The following ZDHHC20 variants were observed in gnomAD, a reference collection of about 807,000 sequenced individuals.
The protein encoded by ZDHHC20 is zDHHC palmitoyltransferase 20.
Under a neutral mutation model 57.8 loss-of-function variants are expected in ZDHHC20, and 43 were observed. That is an observed-to-expected ratio of 0.74 (90% CI 0.58 to 0.96). The LOEUF (loss-of-function observed/expected upper bound fraction) is 0.96, where lower values mean the gene tolerates loss of function less well. ZDHHC20 is among the 40% of genes least tolerant of loss of function. The pLI, the probability that ZDHHC20 is intolerant of heterozygous loss-of-function variation, is 0.00. For synonymous variants in ZDHHC20, 157 were observed against 153.0 expected (o/e 1.03, Z -0.19); for missense variants, 391 against 441.1 (o/e 0.89, Z 1.02).
intron 8 of ZDHHC20, among the ~76,000 whole-genome samples, chr13:21,387,985 T>C (rs1874881658): frequency 1.3e-5 from 2 of 152,186 alleles, no homozygotes; most frequent in African/African-American, 2.4e-5. Context: ...ATGTTCCTGA[T>C]AGCACTGTAC....
At chr13:21,383,869 T>G (rs1873941297) in intron 9 of ZDHHC20, among the ~76,000 whole-genome samples, 1 of 152,142 alleles carries the variant, frequency 6.6e-6, no homozygotes, top group South Asian at 2.1e-4. Flanking sequence ...ACTTATGCCT[T>G]ATTTTCATAT....
chr13:21,386,581 C>T (rs1008622328), intron 9 of ZDHHC20, among the ~76,000 whole-genome samples: 1 of 152,162 alleles, frequency 6.6e-6, no homozygotes, highest in Non-Finnish European at 1.5e-5. Context: ...GACAGTCTTG[C>T]TCTGTTGCCC....
chr13:21,400,654 G>A lies in ZDHHC20; in HGVS notation c.474-161C>T, dbSNP rs76159589. Among the ~76,000 whole-genome samples, 685 of 152,282 alleles carry A rather than the reference G, an allele frequency of 4.5e-3. 16 individuals are homozygous for A. Among genetic ancestry groups the A allele is most frequent in the Admixed American group, 0.038 (584 of 15,300 alleles). On this transcript the variant is annotated intron_variant, in intron 6 of 12. Transcript: ENST00000400590. ...TTTTGCAGGATGAAAAAGTTCTGGAGATTAATTGCACAACAATTTGAACAT... is the reference window on the plus strand; with the variant it reads ...TTTTGCAGGATGAAAAAGTTCTGGAAATTAATTGCACAACAATTTGAACAT...
In ZDHHC20 at chr13:21,375,220, C is replaced by T. The variant is rs776644634; in HGVS notation, c.*1476G>A. 4.8e-5 allele frequency: 22 copies of T among 455,558 alleles called. No individual in the cohort carries two copies. The highest frequency in any genetic ancestry group is 3.6e-4 in the African/African-American group (18 of 50,152). 28.2% of individuals were successfully genotyped at this position (455,558 alleles called of 1,614,324 possible). A position where few individuals can be genotyped will look rare whatever the true frequency, so the allele number is the denominator to read the frequency against. ...GAATGTTAGAAGTCATCCAGTCCAA[C>T]TTATTCACAACACCCCCTCCCCTGC... On this transcript the variant is annotated 3_prime_UTR_variant, in exon 13 of 13. Transcript: ENST00000400590.
chr13:21,391,309 A>G (rs1305448785), intron 8 of ZDHHC20, among the ~76,000 whole-genome samples: 1 of 152,206 alleles, frequency 6.6e-6, no homozygotes, highest in Non-Finnish European at 1.5e-5. Flanking sequence ...TGAATGCAGG[A>G]AAGTTTTCAT....
intron 1 of ZDHHC20, among the ~76,000 whole-genome samples, chr13:21,455,768 G>A (rs1162573824): frequency 6.6e-6 from 1 of 152,024 alleles, no homozygotes; most frequent in East Asian, 1.9e-4. Flanking sequence ...CTGTGGGCCA[G>A]GTATTTTTAT....
At chr13:21,379,578 G>A (rs1348522475) in intron 11 of ZDHHC20, among the ~76,000 whole-genome samples, 1 of 151,770 alleles carries the variant, frequency 6.6e-6, no homozygotes, top group Non-Finnish European at 1.5e-5. Flanking sequence ...CACTGTGCCT[G>A]ACCCAAAACC....
chr13:21,440,327 A>C (rs28521196), intron 1 of ZDHHC20, among the ~76,000 whole-genome samples: 26,359 of 152,046 alleles, frequency 0.17, 2,746 homozygotes, highest in Non-Finnish European at 0.25. Context: ...AATTTAAGAT[A>C]CGGCAGGTGC....
chr13:21,395,907 C>A (rs1876711204), intron 7 of ZDHHC20, among the ~76,000 whole-genome samples: 1 of 152,128 alleles, frequency 6.6e-6, no homozygotes, highest in Non-Finnish European at 1.5e-5. Flanking sequence ...GACAGCAAAC[C>A]ACTCACCCAG....
At chr13:21,398,463 CAA>C (rs533339364) in intron 7 of ZDHHC20, among the ~76,000 whole-genome samples, 12 of 98,180 alleles carry the variant, frequency 1.2e-4, no homozygotes, top group Admixed American at 3.4e-4. Context: ...GACTCCGTCT[CAA>C]AAAAAAAAAA....
chr13:21,390,739 GAAAT>G (rs1320762496), intron 8 of ZDHHC20, among the ~76,000 whole-genome samples: 6 of 151,994 alleles, frequency 3.9e-5, no homozygotes, highest in East Asian at 1.9e-4. Context: ...ATCTCCATAA[GAAAT>G]AAATAAATTA....
intron 7 of ZDHHC20, among the ~76,000 whole-genome samples, chr13:21,394,094 A>G (rs116653009): frequency 0.03 from 4,576 of 152,222 alleles, 219 homozygotes; most frequent in African/African-American, 0.1. Context: ...TGCACAAATC[A>G]GATCATGTCC....
At chr13:21,404,200 T>C (rs1878118550) in intron 4 of ZDHHC20, 2 of 435,424 alleles carry the variant, frequency 4.6e-6, no homozygotes, top group Admixed American at 2.6e-5. Context: ...ACAGAATACA[T>C]TTATGACTGG....
intron 3 of ZDHHC20, among the ~76,000 whole-genome samples, chr13:21,416,245 GA>G (rs1199862550): frequency 1.4e-5 from 2 of 146,938 alleles, no homozygotes; most frequent in Non-Finnish European, 3.0e-5. Context: ...ATAAAATTAT[GA>G]AAAGCTTAAA....
At chr13:21,394,706 T>C (rs141594067) in intron 7 of ZDHHC20, among the ~76,000 whole-genome samples, 239 of 152,384 alleles carry the variant, frequency 1.6e-3, no homozygotes, top group South Asian at 7.3e-3. Flanking sequence ...TTAGGTAATT[T>C]AGATTTCATC....
intron 1 of ZDHHC20, among the ~76,000 whole-genome samples, chr13:21,431,926 T>C (rs1882007244): frequency 6.6e-6 from 1 of 152,184 alleles, no homozygotes; most frequent in Non-Finnish European, 1.5e-5. Context: ...CAGTGTCTTT[T>C]GAAGAGCACA....
intron 1 of ZDHHC20, among the ~76,000 whole-genome samples, chr13:21,447,241 G>A (rs1489440311): frequency 0.05 from 1 of 20 alleles, no homozygotes. Context: ...CGAGGCCGAG[G>A]ACTCGTCCCA....
At chr13:21,377,488 T>G in intron 12 of ZDHHC20, among the ~76,000 whole-genome samples, 3 of 82,322 alleles carry the variant, frequency 3.6e-5, no homozygotes, top group African/African-American at 1.6e-4. Flanking sequence ...GATCTGACTC[T>G]GCCCGACGTG....
At chr13:21,407,266 T>C (rs1365172861) in intron 4 of ZDHHC20, among the ~76,000 whole-genome samples, 3 of 152,166 alleles carry the variant, frequency 2.0e-5, no homozygotes, top group African/African-American at 7.2e-5. Flanking sequence ...AGTGCTGGGA[T>C]TATAGGTGTG....
Sources: gnomAD v4.1 joint callset for allele counts (sites outside exome capture counted in the v4.1 genomes callset) on GRCh38, gnomAD v4.1.1 for gene constraint, MANE v1.5 for transcripts, NCBI Gene and HGNC (gene_info 2026-07-23, HGNC 2026-07-21) for gene names.